Variants in HDAC9 observed in about 807,000 individuals in gnomAD.
The protein encoded by HDAC9 is histone deacetylase 9, also known as MEF-2 interacting transcription repressor (MITR) protein.
HDAC9 carries 41 observed loss-of-function variants against 139.4 expected under a neutral mutation model. The observed-to-expected ratio is 0.29, with a 90% CI of 0.23 to 0.38. HDAC9 has a LOEUF of 0.38. HDAC9 is among the 10% of genes least tolerant of loss of function. The pLI is 1.00. For missense variants in HDAC9, 1,147 were observed against 1,297.0 expected, an observed-to-expected ratio of 0.88 and a Z score of 1.78; for synonymous variants, 517 against 476.2, an observed-to-expected ratio of 1.09 and a Z score of -1.12.
intron 1 of HDAC9, among the ~76,000 whole-genome samples, chr7:18,396,655 C>T (rs1188397830): frequency 6.6e-6 from 1 of 152,052 alleles, no homozygotes; most frequent in African/African-American, 2.4e-5. Flanking sequence ...AGACAATGCC[C>T]CTAAGTTTCA....
At chr7:18,696,257 A>G (rs1783034322) in intron 12 of HDAC9, among the ~76,000 whole-genome samples, 1 of 151,216 alleles carries the variant, frequency 6.6e-6, no homozygotes, top group Admixed American at 6.6e-5. Flanking sequence ...AATTATAGTT[A>G]AATTATCTTA....
At chr7:18,443,829 C>T (rs556695509) in intron 1 of HDAC9, among the ~76,000 whole-genome samples, 2 of 150,686 alleles carry the variant, frequency 1.3e-5, no homozygotes, top group South Asian at 2.1e-4. Context: ...TATATATACA[C>T]ATTTGTATAA....
In HDAC9 at chr7:18,306,935, A is replaced by G. The variant is rs1468911503; in HGVS notation, c.-42+16420A>G. Among the ~76,000 whole-genome samples the G allele has an allele frequency of 4.6e-5, 7 of 152,126 alleles. 1 individual carries two copies. The East Asian group carries it at 1.3e-3, about 29-fold the overall frequency. ...CCTCATGCAGCCATCTCCCCTGGTCATCTGAGCCAGCAGGCTGAGATCTCA... is the reference window on the plus strand; with the variant it reads ...CCTCATGCAGCCATCTCCCCTGGTCGTCTGAGCCAGCAGGCTGAGATCTCA... On this transcript the variant is annotated intron_variant, in intron 1 of 3. Coordinates refer to the HDAC9 transcript ENST00000413509.
At chr7:18,800,788 G>C (rs996778261) in intron 17 of HDAC9, among the ~76,000 whole-genome samples, 9 of 152,018 alleles carry the variant, frequency 5.9e-5, no homozygotes, top group Non-Finnish European at 1.0e-4. Context: ...AGCCAAGATC[G>C]TGCTGTCTCA....
intron 1 of HDAC9, among the ~76,000 whole-genome samples, chr7:18,388,945 A>G (rs1284484670): frequency 6.6e-6 from 1 of 152,158 alleles, no homozygotes; most frequent in Non-Finnish European, 1.5e-5. Context: ...TTTTGTCTGA[A>G]CTAACCTTTT....
chr7:18,307,778 G>A (rs370930118), intron 1 of HDAC9, among the ~76,000 whole-genome samples: 16 of 152,102 alleles, frequency 1.1e-4, no homozygotes, highest in African/African-American at 3.9e-4. Flanking sequence ...ACTCCAGCCT[G>A]GGTGACAGAG....
intron 8 of HDAC9, among the ~76,000 whole-genome samples, chr7:18,638,706 T>G (rs1219155876): frequency 1.3e-5 from 2 of 152,116 alleles, no homozygotes; most frequent in African/African-American, 4.8e-5. Flanking sequence ...TTAGCATGTT[T>G]GTCTTCAAGC....
At chr7:18,444,958 T>C (rs772305358) in intron 1 of HDAC9, among the ~76,000 whole-genome samples, 1 of 152,206 alleles carries the variant, frequency 6.6e-6, no homozygotes, top group Non-Finnish European at 1.5e-5. Context: ...CCCTAGAATA[T>C]ACAAGTGATC....
intron 1 of HDAC9, among the ~76,000 whole-genome samples, chr7:18,330,151 G>C (rs895883961): frequency 1.3e-5 from 2 of 151,586 alleles, no homozygotes; most frequent in Non-Finnish European, 1.5e-5. Flanking sequence ...TGAAGATTTA[G>C]ATTGTGAAGA....
chr7:18,223,154 A>G (rs1288749555), intron 2 of HDAC9, among the ~76,000 whole-genome samples: 1 of 152,144 alleles, frequency 6.6e-6, no homozygotes, highest in Non-Finnish European at 1.5e-5. Flanking sequence ...CAGATTGTTC[A>G]TGACATGTAC....
chr7:18,938,739 A>G (rs914953491), intron 23 of HDAC9, among the ~76,000 whole-genome samples: 16 of 152,266 alleles, frequency 1.1e-4, no homozygotes, highest in African/African-American at 3.6e-4. Context: ...CATCTGTTTG[A>G]AAATCACCAA....
intron 2 of HDAC9, among the ~76,000 whole-genome samples, chr7:18,244,812 AAATAAT>A (rs55633844): frequency 6.8e-6 from 1 of 147,862 alleles, no homozygotes; most frequent in Non-Finnish European, 1.5e-5. Context: ...TCTGTCTCAA[AAATAAT>A]AATAATAATA....
In HDAC9 at chr7:18,767,207, A is replaced by T; in HGVS notation, c.2214+52A>T. 4.5e-6 allele frequency: 5 copies of T among 1,099,200 alleles called. No individual in the cohort carries two copies. In the South Asian group the frequency reaches 4.7e-5, roughly 10 times the overall value. 68.1% of individuals were successfully genotyped at this position (1,099,200 alleles called of 1,614,324 possible). A position where few individuals can be genotyped will look rare whatever the true frequency, so the allele number is the denominator to read the frequency against. On this transcript the variant is annotated intron_variant, in intron 16 of 25. Coordinates refer to ENST00000686413, the MANE Select transcript of HDAC9 (RefSeq NM_178425.4). ...TAAATAACATAAAATTACAAAAAAA[A>T]ATCTTTTTTGATTTATCTATTCAGT...
intron 19 of HDAC9, among the ~76,000 whole-genome samples, chr7:18,832,211 G>A (rs1365963244): frequency 1.3e-5 from 2 of 152,152 alleles, no homozygotes; most frequent in East Asian, 3.8e-4. Flanking sequence ...TAGCTTTTAG[G>A]TAATGTGACT....
intron 21 of HDAC9, among the ~76,000 whole-genome samples, chr7:18,843,581 C>G (rs1796720483): frequency 6.6e-6 from 1 of 152,004 alleles, no homozygotes; most frequent in South Asian, 2.1e-4. Flanking sequence ...AGCTCTCGCT[C>G]AATTAAAAGT....
chr7:18,704,112 G>T (rs1366705102), intron 12 of HDAC9, among the ~76,000 whole-genome samples: 1 of 152,154 alleles, frequency 6.6e-6, no homozygotes, highest in East Asian at 1.9e-4. Context: ...ATTCTCTTGA[G>T]GGCCCACAAA....
chr7:18,887,577 A>G (rs1800275607), intron 22 of HDAC9, among the ~76,000 whole-genome samples: 1 of 152,164 alleles, frequency 6.6e-6, no homozygotes, highest in South Asian at 2.1e-4. Flanking sequence ...AAAATGTGAC[A>G]CTCTACATAT....
chr7:18,822,208 A>G (rs990689192), intron 17 of HDAC9, among the ~76,000 whole-genome samples: 3 of 152,116 alleles, frequency 2.0e-5, no homozygotes, highest in African/African-American at 7.2e-5. Context: ...TCTTCTAATC[A>G]TATTGTTGGT....
intron 13 of HDAC9, among the ~76,000 whole-genome samples, chr7:18,742,562 A>T (rs758473481): frequency 3.3e-5 from 5 of 152,170 alleles, no homozygotes; most frequent in Non-Finnish European, 7.3e-5. Flanking sequence ...TATTCGGATG[A>T]TTTGGAATCT....
Sources: allele counts gnomAD v4.1 joint callset (sites outside exome capture counted in the v4.1 genomes callset), GRCh38; gene constraint gnomAD v4.1.1; transcripts MANE v1.5; gene names NCBI Gene and HGNC (gene_info 2026-07-23, HGNC 2026-07-21).